CEP192: variants seen among roughly 807,000 people sequenced by gnomAD.
CEP192 encodes centrosomal protein of 192 kDa.
Under a neutral mutation model 271.8 loss-of-function variants are expected in CEP192, and 151 were observed. That is an observed-to-expected ratio of 0.56 (90% CI 0.49 to 0.64). The LOEUF (loss-of-function observed/expected upper bound fraction) is 0.64. Ranked by LOEUF, CEP192 falls within the 30% of genes least tolerant of loss-of-function variation. The pLI, the probability that CEP192 is intolerant of heterozygous loss-of-function variation, is 0.00. For missense variants in CEP192, 2,910 were observed against 3,020.5 expected (o/e 0.96, Z 0.86); for synonymous variants, 995 against 1,076.5 (o/e 0.92, Z 1.48).
chr18:13,003,931 A>C (rs1426965544), intron 3 of CEP192, among the ~76,000 whole-genome samples: 1 of 152,204 alleles, frequency 6.6e-6, no homozygotes, highest in Non-Finnish European at 1.5e-5. Flanking sequence ...AGGATGCTTC[A>C]CAGTGAGAAG....
intron 40 of CEP192, among the ~76,000 whole-genome samples, chr18:13,111,328 T>C (rs922272432): frequency 1.3e-5 from 2 of 152,176 alleles, no homozygotes; most frequent in Admixed American, 1.3e-4. Flanking sequence ...GGTTTCACCA[T>C]GTTAGCCAGG....
chr18:13,050,476 A>T (rs903581754), intron 17 of CEP192, among the ~76,000 whole-genome samples: 2 of 152,204 alleles, frequency 1.3e-5, no homozygotes, highest in Non-Finnish European at 2.9e-5. Context: ...CTCAATGTCA[A>T]TGGAGAGCTT....
chr18:13,096,000 G>T (rs1468562566), intron 35 of CEP192, among the ~76,000 whole-genome samples, 184 bp from the exon 36 acceptor site: 2 of 152,166 alleles, frequency 1.3e-5, no homozygotes, highest in Admixed American at 1.3e-4. Flanking sequence ...AAGCAGTGAC[G>T]ATTTCCAGGA....
chr18:13,108,450 A>G (rs2040056816), intron 40 of CEP192, among the ~76,000 whole-genome samples: 1 of 152,238 alleles, frequency 6.6e-6, no homozygotes, highest in Non-Finnish European at 1.5e-5. Flanking sequence ...ACTTAAAACA[A>G]TTGAACAAGC....
At chr18:13,072,644 T>A in intron 28 of CEP192, 111 bp from the exon 29 acceptor site, 1 of 724,554 alleles carries the variant, frequency 1.4e-6, no homozygotes, top group South Asian at 1.7e-5. Context: ...AAATGGCTTG[T>A]ATAGTTAGTC....
chr18:13,008,149 TAGATTGG>T (rs1009967000), intron 3 of CEP192, among the ~76,000 whole-genome samples: 3 of 152,208 alleles, frequency 2.0e-5, no homozygotes, highest in Non-Finnish European at 2.9e-5. Flanking sequence ...CTGAATTATG[TAGATTGG>T]TAGTTTCAAG....
intron 1 of CEP192, among the ~76,000 whole-genome samples, chr18:12,998,607 T>C (rs2033409444): frequency 6.6e-6 from 1 of 152,210 alleles, no homozygotes; most frequent in Admixed American, 6.5e-5. Context: ...CTAAATAAAC[T>C]CTCTCATCCC....
intron 17 of CEP192, among the ~76,000 whole-genome samples, chr18:13,051,157 C>T (rs1178861173): frequency 6.6e-6 from 1 of 152,184 alleles, no homozygotes; most frequent in Non-Finnish European, 1.5e-5. Context: ...TTTGATTCTT[C>T]ATTGTTACTT....
chr18:13,057,814 G>C, intron 20 of CEP192, 81 bp downstream of exon 20: 2 of 1,396,704 alleles, frequency 1.4e-6, no homozygotes, highest in South Asian at 2.5e-5. Flanking sequence ...CTAGTGCTAG[G>C]TTCTCCCTTC....
At chr18:13,097,364 T>G (rs1012804231) in intron 36 of CEP192, among the ~76,000 whole-genome samples, 1 of 152,224 alleles carries the variant, frequency 6.6e-6, no homozygotes, top group Non-Finnish European at 1.5e-5. Flanking sequence ...CATCCCCTGG[T>G]TCTTGAAGAG....
At chr18:13,099,906 C>T (rs2039625824) in intron 37 of CEP192, among the ~76,000 whole-genome samples, 1 of 152,120 alleles carries the variant, frequency 6.6e-6, no homozygotes, top group Non-Finnish European at 1.5e-5. Flanking sequence ...ATATACAGGA[C>T]TTGAGCATTG....
intron 44 of CEP192, among the ~76,000 whole-genome samples, chr18:13,122,949 ATGT>A (rs561945459): frequency 5.3e-4 from 81 of 152,300 alleles, no homozygotes; most frequent in Middle Eastern, 3.4e-3. Context: ...GCTGTATTAA[ATGT>A]TGTGGTTCTT....
At chr18:13,085,455 A>T (rs1381481345) in intron 30 of CEP192, among the ~76,000 whole-genome samples, 1 of 152,210 alleles carries the variant, frequency 6.6e-6, no homozygotes, top group Non-Finnish European at 1.5e-5. Context: ...GTGTTTAGTC[A>T]TGAAGTCTTT....
Position 13,037,701 on chromosome 18 carries a change from A to G in CEP192, c.1599+400A>G, listed in dbSNP as rs574789520. On this transcript the variant is annotated intron_variant, in intron 12 of 44. Transcript: ENST00000506447. Reference sequence around the variant, plus strand: ...CTCCTGTGTAGCTGGGATTGCAGGCATGTGCTACCATGCCTAGCTATTTTT... The same window carrying G: ...CTCCTGTGTAGCTGGGATTGCAGGCGTGTGCTACCATGCCTAGCTATTTTT... Among the ~76,000 whole-genome samples the G allele has an allele frequency of 2.0e-5, 3 of 152,212 alleles. No homozygotes were observed. In the South Asian group the frequency reaches 6.2e-4, roughly 32 times the overall value.
At chr18:13,067,495 A>G (rs889287358) in intron 21 of CEP192, among the ~76,000 whole-genome samples, 6 of 152,198 alleles carry the variant, frequency 3.9e-5, no homozygotes, top group Non-Finnish European at 8.8e-5. Flanking sequence ...TGATCTTTTT[A>G]AAAGGAATTG....
At chr18:13,002,373 T>C (rs1271768241) in intron 3 of CEP192, among the ~76,000 whole-genome samples, 1 of 152,202 alleles carries the variant, frequency 6.6e-6, no homozygotes, top group Non-Finnish European at 1.5e-5. Flanking sequence ...TTACAATTAA[T>C]ATGAATCTGT....
intron 7 of CEP192, 105 bp downstream of exon 7, chr18:13,017,441 T>A (rs1419642978): frequency 5.1e-6 from 4 of 783,036 alleles, no homozygotes; most frequent in Non-Finnish European, 7.5e-6. Flanking sequence ...TTTGGACTTT[T>A]CTTTGGACTC....
chr18:13,090,463 G>A (rs947315468), intron 33 of CEP192, among the ~76,000 whole-genome samples: 4 of 152,140 alleles, frequency 2.6e-5, no homozygotes, highest in Non-Finnish European at 2.9e-5. Context: ...TAAATTTCAC[G>A]TGGTAGCTTT....
Position 13,008,513 on chromosome 18 carries a change from C to A in CEP192, c.348C>A (p.Ser116Arg), listed in dbSNP as rs1462888917. ...VESQRLSNAL[S>R]KQSALQMETA... ...GTCAACGTTTGTCAAATGCTCTCAG[C>A]AAACAGTCAGCTTTACAAATGGAGA... Residue 116 changes from serine to arginine, a missense_variant, in exon 4 of 45, where the codon AGC becomes AGA. Physicochemically the swap from Ser to Arg is moderately radical, Grantham distance 110. Coordinates refer to ENST00000506447, the MANE Select transcript of CEP192 (RefSeq NM_032142.4). 8 of 1,551,328 alleles carry A rather than the reference C, an allele frequency of 5.2e-6. No homozygotes were observed. In the Admixed American group the frequency reaches 9.8e-5, roughly 19 times the overall value.
Sources: gnomAD v4.1 joint callset for allele counts (sites outside exome capture counted in the v4.1 genomes callset) on GRCh38, gnomAD v4.1.1 for gene constraint, MANE v1.5 for transcripts, NCBI Gene and HGNC (gene_info 2026-07-23, HGNC 2026-07-21) for gene names.